Variants in SYNJ1 observed in about 807,000 individuals in gnomAD.
SYNJ1 encodes synaptojanin 1, also known as polyphosphatidylinositol phosphatase SYNJ1.
In SYNJ1, 78 loss-of-function variants were observed where a neutral mutation model predicts 168.2. That is an observed-to-expected ratio of 0.46 (90% CI 0.39 to 0.56). The LOEUF (loss-of-function observed/expected upper bound fraction) is 0.56, where lower values mean the gene tolerates loss of function less well. SYNJ1 is among the 20% of genes least tolerant of loss of function. SYNJ1 has a pLI of 0.00. For synonymous variants in SYNJ1, 539 were observed against 548.6 expected (o/e 0.98, Z 0.24); for missense variants, 1,303 against 1,597.6 (o/e 0.82, Z 3.14).
At chr21:32,684,859 C>G (rs957539792) in intron 9 of SYNJ1, among the ~76,000 whole-genome samples, 3 of 152,122 alleles carry the variant, frequency 2.0e-5, no homozygotes, top group Non-Finnish European at 4.4e-5. Flanking sequence ...TAGAGTCTAT[C>G]CCTATAATTG....
chr21:32,655,515 A>AT (rs1164001907), intron 21 of SYNJ1, among the ~76,000 whole-genome samples: 1 of 152,042 alleles, frequency 6.6e-6, no homozygotes, highest in Non-Finnish European at 1.5e-5. Flanking sequence ...GGTGTCTTTG[A>AT]TTTTCACTCT....
intron 23 of SYNJ1, among the ~76,000 whole-genome samples, chr21:32,648,547 T>G (rs2040155719): frequency 6.6e-6 from 1 of 152,260 alleles, no homozygotes; most frequent in South Asian, 2.1e-4. Context: ...GAATTTCTCT[T>G]GGCTCTTTGA....
At position 32,629,450 on chromosome 21, in the gene SYNJ1, A is replaced by G. The variant is rs1009158643; in HGVS notation, c.*2355T>C. 3 of 152,672 alleles carry G rather than the reference A, an allele frequency of 2.0e-5. No individual in the cohort carries two copies. The highest frequency in any genetic ancestry group is 7.2e-5 in the African/African-American group (3 of 41,462). The allele number at this position is 152,672 out of a possible 1,614,324, so 9.5% of individuals were successfully genotyped here. A position where few individuals can be genotyped will look rare whatever the true frequency, so the allele number is the denominator to read the frequency against. On this transcript the variant is annotated 3_prime_UTR_variant, in exon 33 of 33. Transcript: ENST00000674351. ...ACTTCTATAAATATAGTATTTTGAT[A>G]ACATTTGAGCATTTAGAAAAATGCT...
intron 18 of SYNJ1, among the ~76,000 whole-genome samples, chr21:32,661,947 T>C (rs1168696724): frequency 6.6e-6 from 1 of 152,150 alleles, no homozygotes; most frequent in Non-Finnish European, 1.5e-5. Flanking sequence ...TTCTCCCCAG[T>C]TCACCCTTTC....
chr21:32,705,795 G>A (rs955629278), intron 2 of SYNJ1, among the ~76,000 whole-genome samples: 3 of 152,218 alleles, frequency 2.0e-5, no homozygotes, highest in Admixed American at 6.5e-5. Context: ...AGACCAGCCT[G>A]GGCAACGTGG....
intron 22 of SYNJ1, among the ~76,000 whole-genome samples, chr21:32,651,934 G>T (rs1051542803): frequency 6.6e-6 from 1 of 152,202 alleles, no homozygotes; most frequent in East Asian, 1.9e-4. Flanking sequence ...TTTATAACAC[G>T]GTTTCAATTT....
rs1281757476 is a variant in SYNJ1 at position 32,673,506 on chromosome 21, C to T, written c.1560G>A (p.Met520Ile). Residue 520 changes from methionine (M) to isoleucine (I), a missense_variant, in exon 14 of 33, where the codon ATG becomes ATA. Transcript: ENST00000674351. ...QSASSKVLKSMCENFYKYSKP... is the reference protein window; with the variant it reads ...QSASSKVLKSICENFYKYSKP... The stretch of plus-strand genomic sequence containing the variant: ...TTGAATATTTGTAGAAATTCTCACA[C>T]ATGCTCTTTAGTACTTTAGAAGATG... 2 of 1,613,000 alleles carry T rather than the reference C, an allele frequency of 1.2e-6. No homozygotes were observed.
chr21:32,709,797 C>T (rs1185894257), intron 2 of SYNJ1, among the ~76,000 whole-genome samples: 1 of 151,824 alleles, frequency 6.6e-6, no homozygotes, highest in African/African-American at 2.4e-5. Flanking sequence ...GGATTATAGG[C>T]GTAAGCCATG....
At chr21:32,634,258 C>T (rs2039466065) in intron 32 of SYNJ1, among the ~76,000 whole-genome samples, 1 of 152,130 alleles carries the variant, frequency 6.6e-6, no homozygotes, top group South Asian at 2.1e-4. Context: ...ACAATGACAA[C>T]CACATCACCA....
At position 32,639,714 on chromosome 21, in the gene SYNJ1, T is replaced by C. The variant is rs1274553558; in HGVS notation, c.3654A>G (p.Arg1218=). The change falls in exon 30 of 33, where the codon AGA becomes AGG. Residue 1218 remains arginine, a synonymous_variant. Coordinates refer to ENST00000674351, the MANE Select transcript of SYNJ1 (RefSeq NM_203446.3). ...TTTTGCTTTGGCTTTCAGGAGTCAG[T>C]CTTCCAGCAGATGCCCGCGCGTGGC... ...PQSHARASAG[R]LTPESQSKTS... is the part of the protein sequence containing the mutation. The C allele has an allele frequency of 6.2e-7, 1 of 1,614,194 alleles. No individual in the cohort carries two copies. Among genetic ancestry groups the C allele is most frequent in the East Asian group, 2.2e-5 (1 of 44,878 alleles).
At chr21:32,678,887 A>C in intron 11 of SYNJ1, 86 bp from the exon 12 acceptor site, 1 of 1,535,464 alleles carries the variant, frequency 6.5e-7, no homozygotes, top group Non-Finnish European at 8.7e-7. Flanking sequence ...ATTTTAAATC[A>C]GTTTTATATG....
At chr21:32,678,345 A>C (rs550896283) in intron 12 of SYNJ1, among the ~76,000 whole-genome samples, 27 of 152,338 alleles carry the variant, frequency 1.8e-4, no homozygotes, top group Middle Eastern at 6.8e-3. Context: ...TACTAGCTGA[A>C]TATTCTATGA....
rs755596748 is a variant in SYNJ1, at chr21:32,642,051, C to T, written c.3517+44G>A. On this transcript the variant is annotated intron_variant, in intron 28 of 32. Transcript: ENST00000674351. ...ACTTATATTCCAAGTGTCTATTTCA[C>T]GGTCCAGTTTTAAGGGTGAATAGCT... 2.7e-5 allele frequency: 43 copies of T among 1,613,004 alleles called. No homozygotes were observed. In the Admixed American group the frequency reaches 4.5e-4, roughly 17 times the overall value.
chr21:32,687,638 ACTTT>A (rs796987242), intron 7 of SYNJ1, among the ~76,000 whole-genome samples: 64 of 152,340 alleles, frequency 4.2e-4, no homozygotes, highest in African/African-American at 1.5e-3. Context: ...AATTAATTAT[ACTTT>A]CTTTAACTCA....
At chr21:32,718,390 C>T (rs1316777987) in intron 2 of SYNJ1, among the ~76,000 whole-genome samples, 3 of 152,046 alleles carry the variant, frequency 2.0e-5, no homozygotes, top group African/African-American at 7.2e-5. Context: ...AAGTTACTTT[C>T]TATTAAATAC....
chr21:32,672,047 T>C (rs1292908887), intron 14 of SYNJ1, among the ~76,000 whole-genome samples: 1 of 20,510 alleles, frequency 4.9e-5, no homozygotes, highest in African/African-American at 2.2e-4. Flanking sequence ...CAACAAGAGC[T>C]AAACTCAATC....
chr21:32,698,901 T>C (rs1055800611), intron 4 of SYNJ1, among the ~76,000 whole-genome samples: 2 of 152,162 alleles, frequency 1.3e-5, no homozygotes, highest in South Asian at 2.1e-4. Context: ...AAACCAAGAA[T>C]AGGAAACGTG....
intron 2 of SYNJ1, among the ~76,000 whole-genome samples, chr21:32,720,831 T>C (rs888606382): frequency 6.6e-6 from 1 of 152,262 alleles, no homozygotes; most frequent in Non-Finnish European, 1.5e-5. Context: ...ATTTCCCATA[T>C]GTTGACCTTT....
chr21:32,634,101 T>C (rs1482940056), intron 32 of SYNJ1, among the ~76,000 whole-genome samples: 1 of 152,204 alleles, frequency 6.6e-6, no homozygotes, highest in African/African-American at 2.4e-5. Flanking sequence ...GAAAGGAGAA[T>C]TTTGTGCTCT....
Sources: gnomAD v4.1 joint callset for allele counts (sites outside exome capture counted in the v4.1 genomes callset) on GRCh38, gnomAD v4.1.1 for gene constraint, MANE v1.5 for transcripts, NCBI Gene and HGNC (gene_info 2026-07-23, HGNC 2026-07-21) for gene names.